The following PPARGC1A variants were observed in gnomAD, a reference collection of about 807,000 sequenced individuals.
The protein encoded by PPARGC1A is peroxisome proliferator-activated receptor gamma coactivator 1-alpha.
PPARGC1A carries 25 observed loss-of-function variants against 88.7 expected under a neutral mutation model. The ratio of observed to expected loss-of-function variants is 0.28; its 90% CI spans 0.21 to 0.39. The LOEUF (loss-of-function observed/expected upper bound fraction) is 0.39. Among genes scored for constraint, PPARGC1A ranks in the 10% least tolerant of loss-of-function variants. The probability of loss-of-function intolerance (pLI) is 1.00; values close to 1 mark genes in which losing one functional copy is unlikely to be tolerated. For missense variants in PPARGC1A, 880 were observed against 968.7 expected (o/e 0.91, Z 1.22); for synonymous variants, 363 against 355.6 (o/e 1.02, Z -0.24).
chr4:23,942,551 T>C, the PPARGC1A span, among the ~76,000 whole-genome samples: 17 of 152,184 alleles, frequency 1.1e-4, no homozygotes, highest in African/African-American at 4.1e-4. Flanking sequence ...TTACTTAAAA[T>C]TCACTTCCAC....
chr4:24,224,052 C>T, the PPARGC1A span, among the ~76,000 whole-genome samples: 1 of 152,202 alleles, frequency 6.6e-6, no homozygotes, highest in Admixed American at 6.5e-5. Flanking sequence ...CTATCACCAA[C>T]CTACATTCCA....
At chr4:23,914,957 C>T in the PPARGC1A span, among the ~76,000 whole-genome samples, 2 of 152,134 alleles carry the variant, frequency 1.3e-5, no homozygotes, top group Non-Finnish European at 2.9e-5. Context: ...CTGAAGGAGT[C>T]CTTATAAATA....
chr4:24,085,659 T>A, the PPARGC1A span, among the ~76,000 whole-genome samples: 1 of 152,224 alleles, frequency 6.6e-6, no homozygotes, highest in South Asian at 2.1e-4. Flanking sequence ...CTGCTCTATC[T>A]GTTCTGAGTA....
At chr4:24,333,439 A>C in the PPARGC1A span, among the ~76,000 whole-genome samples, 1 of 152,182 alleles carries the variant, frequency 6.6e-6, no homozygotes, top group African/African-American at 2.4e-5. Context: ...CAATCTGCAA[A>C]GTTTTTCCTA....
the PPARGC1A span, among the ~76,000 whole-genome samples, chr4:24,130,715 A>G: frequency 1.1e-4 from 16 of 152,212 alleles, no homozygotes; most frequent in Admixed American, 3.3e-4. Context: ...TCATCTGCCA[A>G]ATGAGGAAGT....
the PPARGC1A span, among the ~76,000 whole-genome samples, chr4:24,382,953 C>G: frequency 6.6e-6 from 1 of 152,218 alleles, no homozygotes; most frequent in Non-Finnish European, 1.5e-5. Context: ...AGATACCTCC[C>G]AGCAGGGGTT....
At chr4:23,919,032 C>T in the PPARGC1A span, among the ~76,000 whole-genome samples, 23 of 152,252 alleles carry the variant, frequency 1.5e-4, no homozygotes, top group East Asian at 3.5e-3. Flanking sequence ...AGTGCTTCTC[C>T]TATCCATACT....
chr4:24,383,934 C>T, the PPARGC1A span, among the ~76,000 whole-genome samples: 1 of 152,056 alleles, frequency 6.6e-6, no homozygotes, highest in Non-Finnish European at 1.5e-5. Context: ...TCAGATTCAC[C>T]AAGGTTGAAA....
At chr4:24,461,556 ATATC>A in the PPARGC1A span, among the ~76,000 whole-genome samples, 9 of 152,140 alleles carry the variant, frequency 5.9e-5, no homozygotes, top group East Asian at 1.7e-3. Context: ...TATTTTGTGT[ATATC>A]TATTCATATG....
the PPARGC1A span, among the ~76,000 whole-genome samples, chr4:24,039,826 G>A: frequency 1.2e-3 from 181 of 152,184 alleles, 1 homozygote; most frequent in African/African-American, 4.0e-3. Context: ...CGATAGAAAC[G>A]TAGCCACAGC....
chr4:23,947,369 A>C, the PPARGC1A span, among the ~76,000 whole-genome samples: 1 of 15,604 alleles, frequency 6.4e-5, no homozygotes, highest in Non-Finnish European at 1.6e-4. Flanking sequence ...ATATATATAT[A>C]TATATATATA....
rs1173019780 is a variant in PPARGC1A, at chr4:23,849,799, GA to G, written c.235-18049del. Reference sequence around the variant, plus strand: ...TTATTCCTTCTTGTATTTATTTGTAGATTTAGAATTTTTTTTTTTTTTTGGA... The same window carrying G: ...TTATTCCTTCTTGTATTTATTTGTAGTTTAGAATTTTTTTTTTTTTTTGGA... On this transcript the variant is annotated intron_variant, in intron 2 of 12. Coordinates refer to ENST00000264867, the MANE Select transcript of PPARGC1A (RefSeq NM_013261.5). 2.7e-5 allele frequency among the ~76,000 whole-genome samples: 4 copies of G among 149,026 alleles called. No homozygotes were observed. In the South Asian group the frequency reaches 6.5e-4, roughly 24 times the overall value.
chr4:23,963,381 G>C, the PPARGC1A span, among the ~76,000 whole-genome samples: 1 of 152,204 alleles, frequency 6.6e-6, no homozygotes, highest in African/African-American at 2.4e-5. Flanking sequence ...CTCCTGGCAA[G>C]AGACAATCCC....
chr4:23,871,226 G>A (rs967152675), intron 2 of PPARGC1A, among the ~76,000 whole-genome samples: 1 of 150,018 alleles, frequency 6.7e-6, no homozygotes, highest in Admixed American at 6.6e-5. Flanking sequence ...GTTGCAAAGT[G>A]GTCCAGACTA....
At chr4:23,837,261 A>C (rs1016923108) in intron 2 of PPARGC1A, among the ~76,000 whole-genome samples, 2 of 152,094 alleles carry the variant, frequency 1.3e-5, no homozygotes, top group African/African-American at 4.8e-5. Context: ...GGTACTGTGT[A>C]CTTAGAGATC....
the PPARGC1A span, among the ~76,000 whole-genome samples, chr4:23,980,910 G>GTA: frequency 6.6e-6 from 1 of 152,168 alleles, no homozygotes; most frequent in Non-Finnish European, 1.5e-5. Context: ...CTTCAGGGAG[G>GTA]TATGAATGCA....
At chr4:24,434,867 G>A in the PPARGC1A span, among the ~76,000 whole-genome samples, 1 of 152,212 alleles carries the variant, frequency 6.6e-6, no homozygotes, top group Non-Finnish European at 1.5e-5. Context: ...GAGAATGGGT[G>A]CTGTCAATGA....
chr4:24,019,657 C>T, the PPARGC1A span, among the ~76,000 whole-genome samples: 2 of 152,212 alleles, frequency 1.3e-5, no homozygotes, highest in Non-Finnish European at 2.9e-5. Flanking sequence ...ACAATTTAAA[C>T]ACTGCCTTTA....
At chr4:24,155,095 G>A in the PPARGC1A span, among the ~76,000 whole-genome samples, 2 of 150,054 alleles carry the variant, frequency 1.3e-5, no homozygotes, top group Non-Finnish European at 2.9e-5. Flanking sequence ...TTGGCCTTAT[G>A]TGACTTTCTC....
Sources: allele counts gnomAD v4.1 joint callset (sites outside exome capture counted in the v4.1 genomes callset), GRCh38; gene constraint gnomAD v4.1.1; transcripts MANE v1.5; gene names NCBI Gene and HGNC (gene_info 2026-07-23, HGNC 2026-07-21).